Variants in GTPBP4 observed in about 807,000 individuals in gnomAD.
The protein encoded by GTPBP4 is GTP binding protein 4.
In GTPBP4, 15 loss-of-function variants were observed where a neutral mutation model predicts 81.7. The ratio of observed to expected loss-of-function variants is 0.18; its 90% CI spans 0.12 to 0.28. The LOEUF (loss-of-function observed/expected upper bound fraction) is 0.28, where lower values mean the gene tolerates loss of function less well. GTPBP4 is among the 10% of genes least tolerant of loss of function. The pLI is 1.00. For missense variants in GTPBP4, 847 were observed against 793.8 expected, an observed-to-expected ratio of 1.07 and a Z score of -0.81; for synonymous variants, 272 against 274.6, an observed-to-expected ratio of 0.99 and a Z score of 0.09.
intron 2 of GTPBP4, 85 bp downstream of exon 2, chr10:992,744 A>T: frequency 1.4e-6 from 1 of 738,684 alleles, no homozygotes; most frequent in Non-Finnish European, 2.2e-6. Context: ...TACTCATTTG[A>T]CAGAAAAGGA....
intron 13 of GTPBP4, among the ~76,000 whole-genome samples, chr10:1,010,721 C>T (rs928589181): frequency 1.3e-5 from 2 of 148,814 alleles, no homozygotes; most frequent in African/African-American, 5.0e-5. Flanking sequence ...GCTATGCTGG[C>T]CTGCCCCCTT....
At chr10:1,007,836 A>G (rs1831772810) in intron 10 of GTPBP4, 5 of 503,404 alleles carry the variant, frequency 9.9e-6, no homozygotes, top group African/African-American at 5.9e-5. Flanking sequence ...TTGTGTGTTT[A>G]TGTAATGCTG....
chr10:1,016,595 A>G (rs1831998125), intron 16 of GTPBP4, among the ~76,000 whole-genome samples: 1 of 152,236 alleles, frequency 6.6e-6, no homozygotes, highest in African/African-American at 2.4e-5. Context: ...GACCTGAGGA[A>G]AACAGGTTCA....
In GTPBP4 at chr10:1,005,798, T is replaced by G; in HGVS notation, c.913-20T>G. ...CTGGAAATGAATAATACATCTCTCG[T>G]TTTTTCTTTGCATTCCCAGAAAATA... On this transcript the variant is annotated intron_variant, in intron 8 of 16. Coordinates refer to ENST00000360803, the MANE Select transcript of GTPBP4 (RefSeq NM_012341.3). The G allele has an allele frequency of 7.1e-7, 1 of 1,411,464 alleles. No homozygotes were observed. Among genetic ancestry groups the G allele is most frequent in the East Asian group, 2.3e-5 (1 of 43,980 alleles). 87.4% of individuals were successfully genotyped at this position (1,411,464 alleles called of 1,614,324 possible). A position where few individuals can be genotyped will look rare whatever the true frequency, so the allele number is the denominator to read the frequency against.
chr10:998,674 G>A (rs113604604), intron 5 of GTPBP4, among the ~76,000 whole-genome samples: 1 of 152,248 alleles, frequency 6.6e-6, no homozygotes, highest in African/African-American at 2.4e-5. Context: ...AGCAGTGCAT[G>A]ACTGGTGGCC....
intron 13 of GTPBP4, among the ~76,000 whole-genome samples, chr10:1,010,756 CG>C (rs1472601740): frequency 4.7e-5 from 7 of 149,106 alleles, no homozygotes; most frequent in Non-Finnish European, 7.4e-5. Context: ...CCACCCACCC[CG>C]GACACTCTGG....
chr10:996,551 AT>A (rs982691960), intron 4 of GTPBP4: 86 of 208,634 alleles, frequency 4.1e-4, no homozygotes, highest in African/African-American at 1.9e-3. Flanking sequence ...TGACTTTTTT[AT>A]TTTTAAAAAC....
chr10:1,003,506 T>A (rs1831675223), intron 8 of GTPBP4, among the ~76,000 whole-genome samples: 1 of 152,226 alleles, frequency 6.6e-6, no homozygotes, highest in African/African-American at 2.4e-5. Context: ...TCTCTGCATC[T>A]GGTAGAACAG....
chr10:989,067 G>T (rs1042872235), intron 1 of GTPBP4: 2 of 151,236 alleles, frequency 1.3e-5, no homozygotes, highest in African/African-American at 2.4e-5. Context: ...TTTTTACAGC[G>T]TTGGTTGGTG....
intron 1 of GTPBP4, among the ~76,000 whole-genome samples, chr10:991,975 G>A (rs376866131): frequency 2.6e-5 from 4 of 151,038 alleles, no homozygotes; most frequent in Non-Finnish European, 4.4e-5. Context: ...GATTACAGGC[G>A]TGAGCCACCG....
chr10:1,016,971 G>A lies in GTPBP4; in HGVS notation c.1753-104G>A, dbSNP rs893690624. 3.5e-6 allele frequency: 3 copies of A among 848,462 alleles called. No homozygotes were observed. In the Admixed American group the frequency reaches 7.5e-5, roughly 21 times the overall value. The allele number at this position is 848,462 out of a possible 1,614,324, so 52.6% of individuals were successfully genotyped here. On this transcript the variant is annotated intron_variant, in intron 16 of 16. Coordinates refer to ENST00000360803, the MANE Select transcript of GTPBP4 (RefSeq NM_012341.3). ...AGATGTAACAGGGTCTCTTCGCTGA[G>A]CAGACCTGAGCCATTAAACAGATTG...
intron 16 of GTPBP4, 102 bp from the exon 17 acceptor site, chr10:1,016,973 A>G (rs1427920163): frequency 2.3e-6 from 2 of 868,614 alleles, no homozygotes; most frequent in African/African-American, 3.4e-5. Context: ...TTCGCTGAGC[A>G]GACCTGAGCC....
chr10:996,890 G>C, intron 4 of GTPBP4: 1 of 311,304 alleles, frequency 3.2e-6, no homozygotes, highest in Non-Finnish European at 6.0e-6. Context: ...GTTCCCTAAT[G>C]TCATCTTGCT....
chr10:992,482 A>AT lies in GTPBP4; in HGVS notation c.49-5dup. ...ATGTAATTATGTTTTATTTTCTTTA[A>AT]TTGCAGGACTTCATAGACCTCACGT... On this transcript the variant is annotated splice_polypyrimidine_tract_variant and splice_region_variant and intron_variant, in intron 1 of 16. Transcript: ENST00000360803. The AT allele has an allele frequency of 6.4e-7, 1 of 1,556,544 alleles. No homozygotes were observed. The highest frequency in any genetic ancestry group is 8.8e-7 in the Non-Finnish European group (1 of 1,132,628).
At chr10:1,002,109 G>C (rs1363463151) in intron 8 of GTPBP4, among the ~76,000 whole-genome samples, 2 of 152,098 alleles carry the variant, frequency 1.3e-5, no homozygotes, top group African/African-American at 4.8e-5. Context: ...ATTTTTAGTA[G>C]AGAGGGTTTT....
Position 996,222 on chromosome 10 carries a change from G to A in GTPBP4, c.440G>A (p.Ser147Asn), listed in dbSNP as rs991805261. The part of the protein sequence containing the change: ...MCTVIKRQKQ[S>N]LEYLEQVRQH... The stretch of plus-strand genomic sequence containing the variant: ...ACAGTGATCAAGAGGCAGAAGCAGA[G>A]TTTGGAGTATTTGGAGCAAGGTGCT... The change falls in exon 4 of 17, where the codon AGT (serine) becomes AAT (asparagine). Residue 147 changes from serine (S) to asparagine (N), a missense_variant. This residue lies in a region of GTPBP4 where 241 missense variants were observed against 216.3 expected (regional missense o/e 1.11). Coordinates refer to ENST00000360803, the MANE Select transcript of GTPBP4 (RefSeq NM_012341.3). 2 of 1,613,192 alleles carry A rather than the reference G, an allele frequency of 1.2e-6. No homozygotes were observed. Among genetic ancestry groups the A allele is most frequent in the African/African-American group, 1.3e-5 (1 of 74,876 alleles).
rs1471010995 is a variant in GTPBP4 at position 1,014,309 on chromosome 10, C to T, written c.1605C>T (p.Asp535=). 1.4e-5 allele frequency: 22 copies of T among 1,603,250 alleles called. No individual in the cohort carries two copies. The highest frequency in any genetic ancestry group is 1.1e-4 in the East Asian group (5 of 44,760). The part of the protein sequence containing the change: ...RSLGVDMDDK[D]DAHYAVQARR... ...TTGGTGTTGACATGGACGATAAAGA[C>T]GATGTGAGTGTGGGGGCGGTTCATG... The change falls in exon 15 of 17, where the codon GAC becomes GAT. Residue 535 remains aspartate (D), a synonymous_variant. Transcript: ENST00000360803.
chr10:1,004,246 A>G (rs1387879636), intron 8 of GTPBP4, among the ~76,000 whole-genome samples: 1 of 151,914 alleles, frequency 6.6e-6, no homozygotes, highest in Non-Finnish European at 1.5e-5. Flanking sequence ...GGCAGCAAGG[A>G]CCCCAGAATG....
rs765776431 is a variant in GTPBP4, at chr10:988,476, C to G, written c.-4C>G. The G allele has an allele frequency of 1.2e-6, 2 of 1,612,802 alleles. No homozygotes were observed. Among genetic ancestry groups the G allele is most frequent in the Non-Finnish European group, 1.7e-6 (2 of 1,179,246 alleles). On this transcript the variant is annotated 5_prime_UTR_variant, in exon 1 of 17. Coordinates refer to ENST00000360803, the MANE Select transcript of GTPBP4 (RefSeq NM_012341.3). ...CAAGTACCCGCGTGCATACGGCTGC[C>G]GGCATGGCACATTACAACTTCAAGA... is the stretch of plus-strand genomic sequence containing the variant.
Sources: gnomAD v4.1 joint callset for allele counts (sites outside exome capture counted in the v4.1 genomes callset) on GRCh38, gnomAD v4.1.1 for gene constraint, gnomAD v4.1.1 regional missense constraint, MANE v1.5 for transcripts, NCBI Gene and HGNC (gene_info 2026-07-23, HGNC 2026-07-21) for gene names.